MRPS27: variants seen among roughly 807,000 people sequenced by gnomAD.
MRPS27 encodes the protein mitochondrial ribosomal protein S27, also known as small ribosomal subunit protein mS27.
In MRPS27, 43 loss-of-function variants were observed where a neutral mutation model predicts 48.9. The ratio of observed to expected loss-of-function variants is 0.88; its 90% CI spans 0.69 to 1.13. The LOEUF is 1.13. MRPS27 is among the 50% of genes most tolerant of loss of function. MRPS27 has a pLI of 0.00. For missense variants in MRPS27, 467 were observed against 476.3 expected (o/e 0.98, Z 0.18); for synonymous variants, 188 against 171.9 (o/e 1.09, Z -0.73).
At chr5:72,238,532 A>G (rs1198296803) in intron 4 of MRPS27, among the ~76,000 whole-genome samples, 2 of 152,234 alleles carry the variant, frequency 1.3e-5, no homozygotes, top group African/African-American at 4.8e-5. Context: ...ATAGGATAGC[A>G]CAGCAACTCT....
At chr5:72,307,445 G>T (rs1407682447) in intron 2 of MRPS27, among the ~76,000 whole-genome samples, 1 of 152,206 alleles carries the variant, frequency 6.6e-6, no homozygotes, top group East Asian at 1.9e-4. Flanking sequence ...TTTTAGGTGT[G>T]ATAATGGTAT....
chr5:72,223,021 T>G (rs1361676438), intron 10 of MRPS27, among the ~76,000 whole-genome samples: 1 of 152,228 alleles, frequency 6.6e-6, no homozygotes. Flanking sequence ...TTTTCCCCCT[T>G]TGCACTAGAC....
chr5:72,256,537 T>C (rs1040144332), intron 4 of MRPS27, among the ~76,000 whole-genome samples: 2 of 152,230 alleles, frequency 1.3e-5, no homozygotes, highest in African/African-American at 4.8e-5. Context: ...ACAATTTCAT[T>C]ATGCAAATTA....
At chr5:72,304,548 A>G (rs1375580997) in intron 2 of MRPS27, among the ~76,000 whole-genome samples, 2 of 152,238 alleles carry the variant, frequency 1.3e-5, no homozygotes, top group African/African-American at 4.8e-5. Context: ...AATAGATTAC[A>G]GGCAAAAAGC....
chr5:72,279,640 C>G (rs1271615812), intron 4 of MRPS27, among the ~76,000 whole-genome samples: 1 of 151,996 alleles, frequency 6.6e-6, no homozygotes, highest in Non-Finnish European at 1.5e-5. Flanking sequence ...AAAAACCATT[C>G]TGAATCATGG....
chr5:72,281,437 G>C (rs1161857858), intron 4 of MRPS27, among the ~76,000 whole-genome samples: 1 of 152,164 alleles, frequency 6.6e-6, no homozygotes, highest in Non-Finnish European at 1.5e-5. Flanking sequence ...TAAAGAGAAA[G>C]AAAGAAATAT....
chr5:72,276,360 A>G (rs917758719), intron 4 of MRPS27, among the ~76,000 whole-genome samples: 1 of 152,234 alleles, frequency 6.6e-6, no homozygotes, highest in African/African-American at 2.4e-5. Context: ...CTGGCTAACC[A>G]CATGCAGAAA....
In MRPS27 at chr5:72,240,010, G is replaced by C. The variant is rs148136626; in HGVS notation, c.282-1882C>G. 3.7e-4 allele frequency among the ~76,000 whole-genome samples: 57 copies of C among 152,254 alleles called. No individual in the cohort carries two copies. The East Asian group carries it at 9.8e-3, about 26-fold the overall frequency. On this transcript the variant is annotated intron_variant, in intron 4 of 10. Transcript: ENST00000261413. ...AAGAAAAAAGTCAAGTGAAGTATCA[G>C]GTGTACTGCTTCAACGATGGTGATG...
rs147356411 is a variant in MRPS27 at position 72,242,379 on chromosome 5, C to T, written c.282-4251G>A. On this transcript the variant is annotated intron_variant, in intron 4 of 10. Coordinates refer to ENST00000261413, the MANE Select transcript of MRPS27 (RefSeq NM_015084.3). ...ATGGGAGTGAAAGTCTTGGATATCA[C>T]AGAGATTTCTTAGAAGGGAAGAGAG... Among the ~76,000 whole-genome samples the T allele has an allele frequency of 4.0e-3, 559 of 138,034 alleles. 5 individuals are homozygous for T. The highest frequency in any genetic ancestry group is 6.0e-3 in the Non-Finnish European group (397 of 65,734). The allele number at this position is 138,034 out of a possible 152,430, so 90.6% of individuals were successfully genotyped here.
chr5:72,224,705 A>C (rs1747847135), intron 9 of MRPS27, among the ~76,000 whole-genome samples: 1 of 152,226 alleles, frequency 6.6e-6, no homozygotes, highest in South Asian at 2.1e-4. Flanking sequence ...CAAAGACCAG[A>C]GATGCAGACA....
At chr5:72,284,480 G>C (rs1181966899) in intron 4 of MRPS27, among the ~76,000 whole-genome samples, 3 of 151,532 alleles carry the variant, frequency 2.0e-5, no homozygotes, top group Non-Finnish European at 2.9e-5. Context: ...GTGTGTGAGA[G>C]AGAGAGATGG....
chr5:72,228,129 C>A, intron 8 of MRPS27, 137 bp downstream of exon 8: 1 of 742,468 alleles, frequency 1.3e-6, no homozygotes, highest in South Asian at 1.8e-5. Flanking sequence ...CCATCAAGGT[C>A]TATTTTTATG....
intron 4 of MRPS27, among the ~76,000 whole-genome samples, chr5:72,244,318 A>G (rs1004586059): frequency 2.6e-5 from 4 of 152,222 alleles, no homozygotes; most frequent in Non-Finnish European, 5.9e-5. Context: ...GATAGATAAC[A>G]GAGGGACTTG....
At chr5:72,267,004 C>G (rs770966650) in intron 4 of MRPS27, among the ~76,000 whole-genome samples, 10 of 152,292 alleles carry the variant, frequency 6.6e-5, no homozygotes, top group Non-Finnish European at 1.0e-4. Context: ...AGATGGCTAT[C>G]TACAGAGCAG....
rs780961059 is a variant in MRPS27, at chr5:72,223,687, A to G, written c.1001T>C (p.Phe334Ser). The change falls in exon 10 of 11, where the codon TTT (phenylalanine) becomes TCT (serine). Residue 334 changes from phenylalanine (F) to serine (S), a missense_variant. Coordinates refer to ENST00000261413, the MANE Select transcript of MRPS27 (RefSeq NM_015084.3). Reference sequence around the variant, plus strand: ...ACACGTTCTGCTATGATTCACCTTAAATCGTTCCAGGTATTGAGGAAGCTT... The same window carrying G: ...ACACGTTCTGCTATGATTCACCTTAGATCGTTCCAGGTATTGAGGAAGCTT... Reference protein sequence around the residue: ...QSKLPQYLERFKALHSKLQAL... With the variant: ...QSKLPQYLERSKALHSKLQAL... The G allele has an allele frequency of 6.2e-7, 1 of 1,614,004 alleles. No individual in the cohort carries two copies. Among genetic ancestry groups the G allele is most frequent in the Admixed American group, 1.7e-5 (1 of 60,016 alleles).
chr5:72,269,338 C>T (rs1376478275), intron 4 of MRPS27, among the ~76,000 whole-genome samples: 1 of 152,176 alleles, frequency 6.6e-6, no homozygotes, highest in East Asian at 1.9e-4. Flanking sequence ...CTTTCAGCCA[C>T]CATCTCGCCC....
intron 2 of MRPS27, among the ~76,000 whole-genome samples, chr5:72,311,676 CTCTCACCA>C (rs1169345997): frequency 6.6e-6 from 1 of 152,204 alleles, no homozygotes; most frequent in East Asian, 1.9e-4. Context: ...AGCAGGAAGG[CTCTCACCA>C]GATGCCACCC....
intron 2 of MRPS27, among the ~76,000 whole-genome samples, chr5:72,305,861 C>T (rs1042138061): frequency 1.3e-5 from 2 of 152,146 alleles, no homozygotes; most frequent in African/African-American, 4.8e-5. Flanking sequence ...TAACTTTTAC[C>T]CTGTACCTCC....
chr5:72,303,998 T>C (rs575629850), intron 2 of MRPS27, among the ~76,000 whole-genome samples: 1 of 151,310 alleles, frequency 6.6e-6, no homozygotes, highest in African/African-American at 2.4e-5. Context: ...CTCAATAAAA[T>C]TGGTTAAATT....
Sources: allele counts gnomAD v4.1 joint callset (sites outside exome capture counted in the v4.1 genomes callset), GRCh38; gene constraint gnomAD v4.1.1; transcripts MANE v1.5; gene names NCBI Gene and HGNC (gene_info 2026-07-23, HGNC 2026-07-21).